PPP2R2C: variants seen among roughly 807,000 people sequenced by gnomAD.
PPP2R2C encodes protein phosphatase 2, regulatory subunit B, gamma.
In PPP2R2C, 10 loss-of-function variants were observed where a neutral mutation model predicts 45.3. The ratio of observed to expected loss-of-function variants is 0.22; its 90% CI spans 0.14 to 0.37. The LOEUF is 0.37. PPP2R2C is among the 10% of genes least tolerant of loss of function. The probability of loss-of-function intolerance (pLI) is 1.00; values close to 1 mark genes in which losing one functional copy is unlikely to be tolerated. For missense variants in PPP2R2C, 308 were observed against 619.7 expected (o/e 0.50, Z 5.34); for synonymous variants, 257 against 245.4 (o/e 1.05, Z -0.44).
At chr4:6,470,555 G>C (rs1721815239) in intron 1 of PPP2R2C, among the ~76,000 whole-genome samples, 1 of 152,194 alleles carries the variant, frequency 6.6e-6, no homozygotes, top group African/African-American at 2.4e-5. Context: ...AGACCACAGC[G>C]AGCCTGGGAG....
intron 5 of PPP2R2C, among the ~76,000 whole-genome samples, chr4:6,371,693 G>C (rs973312972): frequency 2.6e-5 from 4 of 152,232 alleles, no homozygotes; most frequent in Non-Finnish European, 5.9e-5. Context: ...CTGTGACTCA[G>C]TTTCCTCATC....
chr4:6,503,904 C>T (rs1483283452), intron 2 of PPP2R2C, among the ~76,000 whole-genome samples: 1 of 151,900 alleles, frequency 6.6e-6, no homozygotes, highest in East Asian at 1.9e-4. Context: ...GAACTCTGGA[C>T]AAAATATAAA....
chr4:6,510,998 C>CAA (rs1190184264), intron 2 of PPP2R2C, among the ~76,000 whole-genome samples: 8 of 77,164 alleles, frequency 1.0e-4, no homozygotes, highest in African/African-American at 2.9e-4. Context: ...AACAAACAAA[C>CAA]AAAAAAAAAA....
chr4:6,550,313 C>T (rs191199440), intron 1 of PPP2R2C, among the ~76,000 whole-genome samples: 26 of 152,222 alleles, frequency 1.7e-4, no homozygotes, highest in East Asian at 7.8e-4. Flanking sequence ...AGTCTGCCCC[C>T]TCCCCACAGT....
At chr4:6,445,043 G>A (rs1720346321) in intron 1 of PPP2R2C, among the ~76,000 whole-genome samples, 1 of 152,090 alleles carries the variant, frequency 6.6e-6, no homozygotes, top group Admixed American at 6.6e-5. Context: ...ACAAAAATTA[G>A]CCGGGTATGT....
At chr4:6,524,914 C>A (rs769858401) in intron 2 of PPP2R2C, among the ~76,000 whole-genome samples, 1 of 151,774 alleles carries the variant, frequency 6.6e-6, no homozygotes, top group Admixed American at 6.6e-5. Flanking sequence ...CATAGCAAGA[C>A]CCCATCTCTA....
chr4:6,409,687 C>A (rs541324269), intron 1 of PPP2R2C, among the ~76,000 whole-genome samples: 2 of 152,270 alleles, frequency 1.3e-5, no homozygotes, highest in South Asian at 2.1e-4. Context: ...CTGCCACCCC[C>A]CCATATCCCA....
intron 1 of PPP2R2C, among the ~76,000 whole-genome samples, chr4:6,442,979 C>T (rs1355279676): frequency 2.0e-5 from 3 of 152,224 alleles, no homozygotes; most frequent in African/African-American, 7.2e-5. Context: ...GGAGATCTTG[C>T]GTGACTTTCC....
chr4:6,408,227 C>T (rs6853582), intron 1 of PPP2R2C, among the ~76,000 whole-genome samples: 32,292 of 152,018 alleles, frequency 0.21, 3,829 homozygotes, highest in South Asian at 0.31. Context: ...AACAAAATGG[C>T]AGAAGAGACC....
intron 2 of PPP2R2C, among the ~76,000 whole-genome samples, chr4:6,530,531 C>T (rs578238483): frequency 7.6e-4 from 110 of 145,194 alleles, no homozygotes; most frequent in South Asian, 1.1e-3. Context: ...TGGCTGTGGT[C>T]GCTGGACTGT....
chr4:6,346,213 C>T (rs373527002), intron 6 of PPP2R2C, among the ~76,000 whole-genome samples: 20 of 152,316 alleles, frequency 1.3e-4, no homozygotes, highest in South Asian at 4.1e-4. Flanking sequence ...CCCTCTGCGG[C>T]GTCTCCTCTT....
At chr4:6,558,752 C>T (rs73086939) in intron 1 of PPP2R2C, among the ~76,000 whole-genome samples, 2,023 of 152,164 alleles carry the variant, frequency 0.013, 28 homozygotes, top group African/African-American at 0.045. Context: ...AGCCCTGCAC[C>T]GAGCCAAGCT....
intron 1 of PPP2R2C, among the ~76,000 whole-genome samples, chr4:6,419,218 G>A (rs986134347): frequency 6.6e-6 from 1 of 152,200 alleles, no homozygotes; most frequent in Admixed American, 6.5e-5. Flanking sequence ...GGGAGTTCGA[G>A]ACCAGCCTGG....
At chr4:6,393,201 C>A (rs1716776162) in intron 1 of PPP2R2C, among the ~76,000 whole-genome samples, 1 of 152,150 alleles carries the variant, frequency 6.6e-6, no homozygotes. Flanking sequence ...TTCCCACCAC[C>A]CCAAAAAGAA....
At chr4:6,352,466 T>C (rs1444093843) in intron 5 of PPP2R2C, among the ~76,000 whole-genome samples, 2 of 152,182 alleles carry the variant, frequency 1.3e-5, no homozygotes, top group Non-Finnish European at 2.9e-5. Flanking sequence ...ATTAGGCTCA[T>C]TTAAGAGTCC....
Position 6,420,966 on chromosome 4 carries a change from A to G in PPP2R2C, c.71-39872T>C, listed in dbSNP as rs1018495290. ...CCTACCAGGCAGGCCTCAGAAGGGC[A>G]GCAGCCAAGAGCTTGGGCAGCTGGT... is the stretch of plus-strand genomic sequence containing the variant. On this transcript the variant is annotated intron_variant, in intron 1 of 8. Transcript: ENST00000382599. 3.0e-6 allele frequency: 3 copies of G among 985,126 alleles called. No homozygotes were observed. The South Asian group carries it at 1.4e-4, about 46-fold the overall frequency. The allele number at this position is 985,126 out of a possible 1,614,324, so 61.0% of individuals were successfully genotyped here. A position where few individuals can be genotyped will look rare whatever the true frequency, so the allele number is the denominator to read the frequency against.
At position 6,547,268 on chromosome 4, in the gene PPP2R2C, A is replaced by C. The variant is rs146610566; in HGVS notation, c.-58-11891T>G. Among the ~76,000 whole-genome samples the C allele has an allele frequency of 9.4e-4, 143 of 152,030 alleles. 1 individual carries two copies. The highest frequency in any genetic ancestry group is 1.9e-3 in the Non-Finnish European group (128 of 68,000). On this transcript the variant is annotated intron_variant, in intron 1 of 9. Coordinates refer to the PPP2R2C transcript ENST00000506140. ...TCTAAAAATATGGGCACTTCCTTAC[A>C]TAACCAAAATGCCATTATCACACCT...
intron 1 of PPP2R2C, among the ~76,000 whole-genome samples, chr4:6,447,118 G>A (rs1720463998): frequency 6.6e-6 from 1 of 152,112 alleles, no homozygotes; most frequent in Non-Finnish European, 1.5e-5. Flanking sequence ...ACCAGGCCTT[G>A]GGGGTCCCTG....
chr4:6,484,182 A>G (rs1386530736), intron 2 of PPP2R2C, among the ~76,000 whole-genome samples: 1 of 151,972 alleles, frequency 6.6e-6, no homozygotes, highest in African/African-American at 2.4e-5. Flanking sequence ...CAAAATATGG[A>G]TTGAAGTTCA....
Sources: gnomAD v4.1 joint callset for allele counts (sites outside exome capture counted in the v4.1 genomes callset) on GRCh38, gnomAD v4.1.1 for gene constraint, MANE v1.5 for transcripts, NCBI Gene and HGNC (gene_info 2026-07-23, HGNC 2026-07-21) for gene names.